IRAK1BP1: variants seen among roughly 807,000 people sequenced by gnomAD.
The protein encoded by IRAK1BP1 is interleukin-1 receptor-associated kinase 1-binding protein 1.
In IRAK1BP1, 24 loss-of-function variants were observed where a neutral mutation model predicts 28.0. That is an observed-to-expected ratio of 0.86 (90% CI 0.62 to 1.20). IRAK1BP1 has a LOEUF of 1.20. Among genes scored for constraint, IRAK1BP1 ranks in the 50% most tolerant of loss-of-function variants. IRAK1BP1 has a pLI of 0.00. For synonymous variants in IRAK1BP1, 131 were observed against 116.3 expected, an observed-to-expected ratio of 1.13 and a Z score of -0.81; for missense variants, 336 against 316.7, an observed-to-expected ratio of 1.06 and a Z score of -0.46.
At chr6:78,904,068 C>G (rs532419693), downstream of IRAK1BP1, among the ~76,000 whole-genome samples, 1 of 152,138 alleles carries the variant, frequency 6.6e-6, no homozygotes, top group Non-Finnish European at 1.5e-5. Context: ...TCAAATAAGA[C>G]AGATACTGTT....
At chr6:78,955,923 CTT>C in the IRAK1BP1 span, 2 of 262,914 alleles carry the variant, frequency 7.6e-6, no homozygotes, top group Admixed American at 5.4e-5. Flanking sequence ...ATCTCCCAGT[CTT>C]TGCTTAGGTA....
chr6:78,905,550 CCA>C (rs1417016818), downstream of IRAK1BP1, among the ~76,000 whole-genome samples: 1 of 152,190 alleles, frequency 6.6e-6, no homozygotes, highest in African/African-American at 2.4e-5. Context: ...AATATTACTT[CCA>C]GAATATATGG....
At chr6:78,935,702 G>T in intron 4 of IRAK1BP1, 2 of 984,992 alleles carry the variant, frequency 2.0e-6, no homozygotes, top group Non-Finnish European at 1.2e-6. Context: ...TTCACACTTT[G>T]CAAAACACAC....
chr6:78,946,395 A>G, exon 5 of IRAK1BP1: 1 of 1,395,764 alleles, frequency 7.2e-7, no homozygotes, highest in Non-Finnish European at 9.4e-7. Flanking sequence ...TGGATTTCAT[A>G]TGATTGTGAG....
the IRAK1BP1 span, among the ~76,000 whole-genome samples, chr6:78,972,808 C>A: frequency 4.6e-5 from 7 of 151,770 alleles, no homozygotes; most frequent in South Asian, 1.3e-3. Context: ...TGAAATGAAG[C>A]GAGAAGGGAA....
chr6:78,897,168 G>A (rs1465602918), intron 2 of IRAK1BP1, among the ~76,000 whole-genome samples: 2 of 149,134 alleles, frequency 1.3e-5, no homozygotes, highest in South Asian at 2.1e-4. Context: ...TAGGAGGATC[G>A]CTTGAACCCA....
In IRAK1BP1 at chr6:78,914,522, A is replaced by G. The variant is rs78144865; in HGVS notation, c.*67+11412A>G. Among the ~76,000 whole-genome samples, 623 of 152,362 alleles carry G rather than the reference A, an allele frequency of 4.1e-3. 5 individuals carry two copies. The highest frequency in any genetic ancestry group is 0.014 in the African/African-American group (598 of 41,592). On this transcript the variant is annotated intron_variant and NMD_transcript_variant, in intron 4 of 4. Coordinates refer to the IRAK1BP1 transcript ENST00000606868. ...CGCAGTTGTAATGTGACATTTCTGC[A>G]TTATGTTCAGTGGAGCTGTTTTGTC... is the stretch of plus-strand genomic sequence containing the variant.
At chr6:78,921,424 G>T (rs565117406) in intron 4 of IRAK1BP1, among the ~76,000 whole-genome samples, 13 of 152,334 alleles carry the variant, frequency 8.5e-5, no homozygotes, top group African/African-American at 3.1e-4. Context: ...CAAAGCAACC[G>T]GGAAGCTCGA....
downstream of IRAK1BP1, among the ~76,000 whole-genome samples, chr6:78,951,419 CA>C (rs1774141563): frequency 6.6e-6 from 1 of 152,010 alleles, no homozygotes; most frequent in South Asian, 2.1e-4. Flanking sequence ...TGATTAAACT[CA>C]AAATGTGAAC....
At chr6:78,886,012 G>A (rs958318917) in intron 2 of IRAK1BP1, among the ~76,000 whole-genome samples, 27 of 152,152 alleles carry the variant, frequency 1.8e-4, no homozygotes, top group African/African-American at 5.3e-4. Flanking sequence ...TCTAGTGGTG[G>A]TTAGGTTACA....
the IRAK1BP1 span, among the ~76,000 whole-genome samples, chr6:78,959,311 A>G: frequency 6.6e-6 from 1 of 152,170 alleles, no homozygotes; most frequent in Non-Finnish European, 1.5e-5. Flanking sequence ...AAATACAATC[A>G]TATGGAATAA....
intron 4 of IRAK1BP1, among the ~76,000 whole-genome samples, chr6:78,918,172 C>T (rs187322829): frequency 2.2e-3 from 329 of 152,132 alleles, no homozygotes; most frequent in African/African-American, 6.1e-3. Flanking sequence ...TGGCACACAC[C>T]GGTGGTCCCA....
chr6:78,913,920 C>G (rs913918912), intron 4 of IRAK1BP1, among the ~76,000 whole-genome samples: 1 of 152,182 alleles, frequency 6.6e-6, no homozygotes, highest in Admixed American at 6.5e-5. Context: ...CTAGTTGCTT[C>G]TTAGTAACCA....
chr6:78,962,511 C>T, the IRAK1BP1 span, among the ~76,000 whole-genome samples: 2 of 152,022 alleles, frequency 1.3e-5, no homozygotes, highest in South Asian at 4.1e-4. Flanking sequence ...GCTCTTCTTA[C>T]TCATGTTAAT....
In IRAK1BP1 at chr6:78,897,856, A is replaced by G. The variant is rs1357500047; in HGVS notation, c.409A>G (p.Lys137Glu). ...CTGCATTACATTTACTGAATTTGGAAAAATGCAAAATATTTGTAACTTTCT... is the reference window on the plus strand; with the variant it reads ...CTGCATTACATTTACTGAATTTGGAGAAATGCAAAATATTTGTAACTTTCT... ...EVCITFTEFG[K>E]MQNICNFLVE... Residue 137 changes from lysine (K) to glutamate (E), a missense_variant, in exon 3 of 4, where the codon AAA (lysine) becomes GAA (glutamate). By Grantham distance (56) the Lys-to-Glu change is moderately conservative. Coordinates refer to ENST00000369940, the MANE Select transcript of IRAK1BP1 (RefSeq NM_001010844.4). 1 of 1,613,422 alleles carries G rather than the reference A, an allele frequency of 6.2e-7. No individual in the cohort carries two copies. Among genetic ancestry groups the G allele is most frequent in the African/African-American group, 1.3e-5 (1 of 74,924 alleles).
the IRAK1BP1 span, chr6:78,963,156 T>C: frequency 3.7e-5 from 60 of 1,610,998 alleles, 1 homozygote; most frequent in Middle Eastern, 3.3e-4. Flanking sequence ...ATCCCTGGGA[T>C]TGGTACCCCA....
At position 78,932,414 on chromosome 6, in the gene IRAK1BP1, TC is replaced by T. The variant is rs1192778023; in HGVS notation, c.*68-12993del. Among the ~76,000 whole-genome samples the T allele has an allele frequency of 1.2e-4, 16 of 128,880 alleles. No homozygotes were observed. In the East Asian group the frequency reaches 3.1e-3, roughly 25 times the overall value. 84.6% of individuals were successfully genotyped at this position (128,880 alleles called of 152,430 possible). A position where few individuals can be genotyped will look rare whatever the true frequency, so the allele number is the denominator to read the frequency against. On this transcript the variant is annotated intron_variant and NMD_transcript_variant, in intron 4 of 4. Coordinates refer to the IRAK1BP1 transcript ENST00000606868. The stretch of plus-strand genomic sequence containing the variant: ...CCTTACAACATGTATTTCTTTTCTT[TC>T]TTTTTCTTTTTTTTTTTTTTTTTGA...
intron 4 of IRAK1BP1, among the ~76,000 whole-genome samples, chr6:78,927,645 T>G (rs1194345374): frequency 6.6e-6 from 1 of 152,168 alleles, no homozygotes; most frequent in Non-Finnish European, 1.5e-5. Flanking sequence ...CATGTTTTCT[T>G]GTAGTAGTTT....
rs141126594 is a variant in IRAK1BP1, at chr6:78,919,222, C to T, written c.*67+16112C>T. Among the ~76,000 whole-genome samples the T allele has an allele frequency of 8.1e-4, 123 of 152,156 alleles. 1 individual carries two copies. Among genetic ancestry groups the T allele is most frequent in the African/African-American group, 2.8e-3 (117 of 41,530 alleles). On this transcript the variant is annotated intron_variant and NMD_transcript_variant, in intron 4 of 4. Coordinates refer to the IRAK1BP1 transcript ENST00000606868. ...GGCAAGGTTAAGATAAAGGTTATAG[C>T]ACTAAAGAACTCAATGAGTTAGAAA...
Sources: gnomAD v4.1 joint callset for allele counts (sites outside exome capture counted in the v4.1 genomes callset) on GRCh38, gnomAD v4.1.1 for gene constraint, MANE v1.5 for transcripts, NCBI Gene and HGNC (gene_info 2026-07-23, HGNC 2026-07-21) for gene names.